The following NYAP2 variants were observed in gnomAD, a reference collection of about 807,000 sequenced individuals.
NYAP2 encodes the protein neuronal tyrosine-phosphorylated phosphoinositide-3-kinase adapter 2.
NYAP2 carries 23 observed loss-of-function variants against 50.4 expected under a neutral mutation model. That is an observed-to-expected ratio of 0.46 (90% CI 0.33 to 0.65). The LOEUF (loss-of-function observed/expected upper bound fraction) is 0.65, where lower values mean the gene tolerates loss of function less well. Among genes scored for constraint, NYAP2 ranks in the 30% least tolerant of loss-of-function variants. The pLI, the probability that NYAP2 is intolerant of heterozygous loss-of-function variation, is 0.02. For synonymous variants in NYAP2, 394 were observed against 365.2 expected (o/e 1.08, Z -0.90); for missense variants, 885 against 861.0 (o/e 1.03, Z -0.35).
At chr2:225,459,741 T>C (rs1689794970) in intron 3 of NYAP2, among the ~76,000 whole-genome samples, 1 of 152,154 alleles carries the variant, frequency 6.6e-6, no homozygotes, top group Non-Finnish European at 1.5e-5. Context: ...CCTCCCGGGT[T>C]CTCCCCATTC....
At chr2:225,489,349 A>G (rs888338031) in intron 3 of NYAP2, among the ~76,000 whole-genome samples, 1 of 151,918 alleles carries the variant, frequency 6.6e-6, no homozygotes, top group African/African-American at 2.4e-5. Flanking sequence ...GCCCGCCACC[A>G]TACCTCTCTA....
At chr2:225,433,689 C>G (rs1455122204) in intron 3 of NYAP2, among the ~76,000 whole-genome samples, 1 of 151,218 alleles carries the variant, frequency 6.6e-6, no homozygotes, top group Non-Finnish European at 1.5e-5. Flanking sequence ...TGATGGCGGG[C>G]GCCTGTAGTC....
At position 225,615,406 on chromosome 2, in the gene NYAP2, A is replaced by C. The variant is rs536841928; in HGVS notation, c.1619-11511A>C. 3.9e-5 allele frequency among the ~76,000 whole-genome samples: 6 copies of C among 152,332 alleles called. No homozygotes were observed. In the South Asian group the frequency reaches 1.0e-3, roughly 26 times the overall value. On this transcript the variant is annotated intron_variant, in intron 5 of 6. Transcript: ENST00000636099. ...TTCAGGCAGAAATAATTTGGTGGCA[A>C]TATCTCTACAATCCTCATGTATTCT... is the stretch of plus-strand genomic sequence containing the variant.
chr2:225,434,723 A>G (rs550840972), intron 3 of NYAP2, among the ~76,000 whole-genome samples: 1 of 152,298 alleles, frequency 6.6e-6, no homozygotes, highest in South Asian at 2.1e-4. Flanking sequence ...ATTGTTGTAG[A>G]TGATACATGT....
rs115742731 is a variant in NYAP2, at chr2:225,493,329, C to A, written c.222-20042C>A. ...TTTTTTAAAAAGTCTGTTTAAAATG[C>A]ATTGCCAAAGCCTACGTTAGTGAAT... On this transcript the variant is annotated intron_variant, in intron 3 of 6. Coordinates refer to ENST00000636099, the Ensembl canonical transcript of NYAP2. 2.6e-3 allele frequency among the ~76,000 whole-genome samples: 403 copies of A among 152,256 alleles called. 1 individual carries two copies. Among genetic ancestry groups the A allele is most frequent in the Middle Eastern group, 0.01 (3 of 294 alleles).
At chr2:225,503,078 A>G (rs1467252218) in intron 3 of NYAP2, among the ~76,000 whole-genome samples, 1 of 152,182 alleles carries the variant, frequency 6.6e-6, no homozygotes, top group African/African-American at 2.4e-5. Context: ...ATGTTATTCT[A>G]TATTTCTAGT....
At chr2:225,675,652 A>G in the NYAP2 span, among the ~76,000 whole-genome samples, 3,597 of 152,214 alleles carry the variant, frequency 0.024, 158 homozygotes, top group African/African-American at 0.082. Flanking sequence ...TCCTGTGGGT[A>G]TACACCCAGT....
At chr2:225,404,090 T>C (rs1045004207) in intron 2 of NYAP2, among the ~76,000 whole-genome samples, 2 of 151,938 alleles carry the variant, frequency 1.3e-5, no homozygotes, top group Non-Finnish European at 2.9e-5. Flanking sequence ...TTGATATTAG[T>C]TGGTGCTACA....
chr2:225,534,190 A>G (rs1338944536), intron 4 of NYAP2, among the ~76,000 whole-genome samples: 1 of 152,232 alleles, frequency 6.6e-6, no homozygotes, highest in African/African-American at 2.4e-5. Flanking sequence ...AGGCCTGTGC[A>G]TACAACGATA....
At chr2:225,432,765 G>A (rs1689290079) in intron 3 of NYAP2, among the ~76,000 whole-genome samples, 2 of 152,064 alleles carry the variant, frequency 1.3e-5, no homozygotes, top group Admixed American at 1.3e-4. Context: ...GACTGATATG[G>A]CATCTCCACC....
At chr2:225,666,014 C>T in the NYAP2 span, among the ~76,000 whole-genome samples, 1 of 151,824 alleles carries the variant, frequency 6.6e-6, no homozygotes, top group African/African-American at 2.4e-5. Context: ...CTGTTAGGTG[C>T]ACACTTTCTA....
At chr2:225,475,077 C>T (rs1197216547) in intron 3 of NYAP2, among the ~76,000 whole-genome samples, 1 of 152,136 alleles carries the variant, frequency 6.6e-6, no homozygotes, top group East Asian at 1.9e-4. Context: ...TAAATTTATA[C>T]CTGCTTATGA....
At chr2:225,426,885 G>T (rs570585131) in intron 3 of NYAP2, among the ~76,000 whole-genome samples, 4 of 152,240 alleles carry the variant, frequency 2.6e-5, no homozygotes, top group African/African-American at 7.2e-5. Flanking sequence ...AACTAATCCC[G>T]TATTTTACAG....
chr2:225,500,766 T>C lies in NYAP2; in HGVS notation c.222-12605T>C, dbSNP rs558409366. Among the ~76,000 whole-genome samples, 5 of 152,286 alleles carry C rather than the reference T, an allele frequency of 3.3e-5. No individual in the cohort carries two copies. The South Asian group carries it at 1.0e-3, about 32-fold the overall frequency. ...TTGACAAATCACACCATCTCTCTGC[T>C]AGAAGGTCAATGAATAGATGGCAAT... On this transcript the variant is annotated intron_variant, in intron 3 of 6. Coordinates refer to ENST00000636099, the Ensembl canonical transcript of NYAP2.
At chr2:225,458,890 CAGAG>C (rs1444067522) in intron 3 of NYAP2, among the ~76,000 whole-genome samples, 1 of 152,192 alleles carries the variant, frequency 6.6e-6, no homozygotes, top group African/African-American at 2.4e-5. Context: ...CATGGACAGA[CAGAG>C]AGTGTGGACA....
intron 3 of NYAP2, among the ~76,000 whole-genome samples, chr2:225,498,692 T>G (rs1029848140): frequency 6.6e-5 from 10 of 152,200 alleles, no homozygotes; most frequent in South Asian, 4.1e-4. Context: ...GTAGATGGTT[T>G]GGAAAATAGG....
chr2:225,493,670 C>T (rs1337298831), intron 3 of NYAP2, among the ~76,000 whole-genome samples: 2 of 152,176 alleles, frequency 1.3e-5, no homozygotes, highest in Non-Finnish European at 2.9e-5. Flanking sequence ...GATCTCACTT[C>T]CCACTCCTGT....
intron 5 of NYAP2, among the ~76,000 whole-genome samples, chr2:225,617,691 T>C (rs977248502): frequency 6.6e-6 from 1 of 152,206 alleles, no homozygotes; most frequent in Non-Finnish European, 1.5e-5. Context: ...AAGTGGTAAT[T>C]GTGGAAACAT....
At chr2:225,509,964 T>G (rs187063444) in intron 3 of NYAP2, among the ~76,000 whole-genome samples, 1 of 152,240 alleles carries the variant, frequency 6.6e-6, no homozygotes, top group East Asian at 1.9e-4. Context: ...ACCATAAGAT[T>G]GGTTTTAGTC....
Sources: allele counts gnomAD v4.1 joint callset (sites outside exome capture counted in the v4.1 genomes callset), GRCh38; gene constraint gnomAD v4.1.1; transcripts MANE v1.5; gene names NCBI Gene and HGNC (gene_info 2026-07-23, HGNC 2026-07-21).